Variants in BICDL1 observed in about 807,000 individuals in gnomAD.
The protein encoded by BICDL1 is BICD family-like cargo adapter 1.
BICDL1 carries 20 observed loss-of-function variants against 76.8 expected under a neutral mutation model. That is an observed-to-expected ratio of 0.26 (90% CI 0.18 to 0.38). The LOEUF (loss-of-function observed/expected upper bound fraction) is 0.38. BICDL1 is among the 10% of genes least tolerant of loss of function. The probability of loss-of-function intolerance (pLI) is 1.00; values close to 1 mark genes in which losing one functional copy is unlikely to be tolerated. For missense variants in BICDL1, 700 were observed against 798.6 expected, an observed-to-expected ratio of 0.88 and a Z score of 1.49; for synonymous variants, 383 against 337.1, an observed-to-expected ratio of 1.14 and a Z score of -1.49.
Position 120,089,985 on chromosome 12 carries a change from A to G in BICDL1, c.1618A>G (p.Arg540Gly). Residue 540 changes from arginine (R) to glycine (G), a missense_variant, in exon 9 of 10, where the codon AGG becomes GGG. Transcript: ENST00000548673. The part of the protein sequence containing the change: ...NAVELELAKC[R>G]MDMMSLNSQL... The stretch of plus-strand genomic sequence containing the variant: ...TGTGGAGCTGGAACTTGCCAAGTGC[A>G]GGATGGATATGATGTCTCTGAACAG... The G allele has an allele frequency of 6.2e-7, 1 of 1,614,218 alleles. No individual in the cohort carries two copies. The highest frequency in any genetic ancestry group is 8.5e-7 in the Non-Finnish European group (1 of 1,180,024).
At chr12:120,010,786 ATGACTAGTT>A (rs1951938272) in intron 2 of BICDL1, among the ~76,000 whole-genome samples, 7 of 152,168 alleles carry the variant, frequency 4.6e-5, no homozygotes, top group Admixed American at 4.6e-4. Context: ...TCACTAATCT[ATGACTAGTT>A]AAGGAAGCAG....
At chr12:120,040,661 C>A (rs1274180124) in intron 2 of BICDL1, among the ~76,000 whole-genome samples, 1 of 152,118 alleles carries the variant, frequency 6.6e-6, no homozygotes, top group Non-Finnish European at 1.5e-5. Flanking sequence ...AGCCATCTGT[C>A]AGCCGCAGTC....
chr12:120,023,927 A>T lies in BICDL1; in HGVS notation c.645+25191A>T, dbSNP rs142084932. Reference sequence around the variant, plus strand: ...TAGACTTAGCATAGAAGAACAGGAGAGTTCTTAGAACTGTACTTTGTATGT... The same window carrying T: ...TAGACTTAGCATAGAAGAACAGGAGTGTTCTTAGAACTGTACTTTGTATGT... On this transcript the variant is annotated intron_variant, in intron 2 of 9. Coordinates refer to ENST00000548673, the MANE Select transcript of BICDL1 (RefSeq NM_001367886.1). Among the ~76,000 whole-genome samples, 3 of 152,312 alleles carry T rather than the reference A, an allele frequency of 2.0e-5. No homozygotes were observed. The East Asian group carries it at 5.8e-4, about 29-fold the overall frequency.
At chr12:120,067,691 T>C (rs1035943536) in intron 4 of BICDL1, among the ~76,000 whole-genome samples, 23 of 152,230 alleles carry the variant, frequency 1.5e-4, no homozygotes, top group Non-Finnish European at 3.1e-4. Context: ...GTAATTGAAC[T>C]AATTTTGTCC....
chr12:120,056,905 G>C, intron 2 of BICDL1: 2 of 328,936 alleles, frequency 6.1e-6, no homozygotes, highest in South Asian at 4.8e-5. Flanking sequence ...CCTCCTCCCA[G>C]CCGACCGCCT....
intron 1 of BICDL1, among the ~76,000 whole-genome samples, chr12:119,996,950 ATT>A (rs368753843): frequency 4.9e-5 from 6 of 121,374 alleles, no homozygotes; most frequent in Non-Finnish European, 7.2e-5. Context: ...AAACAAAAAG[ATT>A]TTTTTTTTTT....
At chr12:120,034,568 C>A (rs769737125) in intron 2 of BICDL1, among the ~76,000 whole-genome samples, 1 of 152,196 alleles carries the variant, frequency 6.6e-6, no homozygotes, top group Non-Finnish European at 1.5e-5. Flanking sequence ...ATGCCAGTTT[C>A]TTTCGAGGGA....
Position 119,998,555 on chromosome 12 carries a change from G to T in BICDL1, c.464G>T (p.Arg155Leu), listed in dbSNP as rs1182190720. The change falls in exon 2 of 10, where the codon CGA becomes CTA. Residue 155 changes from arginine to leucine, a missense_variant. Around this residue, in one of 3 missense-constraint regions of BICDL1, gnomAD observed 20 missense variants for 50.3 expected, o/e 0.40. Transcript: ENST00000548673. ...CAAGAGAAACATGAATTGAGAAGAC[G>T]ATTTGAGAACCGAGAAGGGGAGTGG... ...LEQEKHELRR[R>L]FENREGEWEG... 6.2e-7 allele frequency: 1 copy of T among 1,612,568 alleles called. No individual in the cohort carries two copies. Among genetic ancestry groups the T allele is most frequent in the South Asian group, 1.1e-5 (1 of 90,960 alleles).
chr12:120,013,439 AGTGTGTGT>A lies in BICDL1; in HGVS notation c.645+14740_645+14747del, dbSNP rs35499277. ...TTGCAGGGACTATGTCTTTAACCAG[AGTGTGTGT>A]GTGTGTGTGTGTGTGTGTGTGTGTG... On this transcript the variant is annotated intron_variant, in intron 2 of 9. Coordinates refer to ENST00000548673, the MANE Select transcript of BICDL1 (RefSeq NM_001367886.1). Among the ~76,000 whole-genome samples the A allele has an allele frequency of 4.7e-3, 631 of 134,882 alleles. 9 individuals carry two copies. The South Asian group carries it at 0.054, about 12-fold the overall frequency. The allele number at this position is 134,882 out of a possible 152,430, so 88.5% of individuals were successfully genotyped here. A position where few individuals can be genotyped will look rare whatever the true frequency, so the allele number is the denominator to read the frequency against.
intron 4 of BICDL1, among the ~76,000 whole-genome samples, chr12:120,070,734 T>C (rs764339850): frequency 6.7e-5 from 8 of 118,996 alleles, no homozygotes; most frequent in Middle Eastern, 3.8e-3. Context: ...GGTATAACTC[T>C]TTTTTTTTTT....
rs1951465034 is a variant in BICDL1, at chr12:119,989,462, G to GGCAGCAGCAGCGGCAGCA, written c.-396_-395insGGCAGCAGCAGCAGCAGC. Among the ~76,000 whole-genome samples, 2 of 147,072 alleles carry GGCAGCAGCAGCGGCAGCA rather than the reference G, an allele frequency of 1.4e-5. No homozygotes were observed. The highest frequency in any genetic ancestry group is 2.5e-5 in the African/African-American group (1 of 40,552). The stretch of plus-strand genomic sequence containing the variant: ...CGTGAGGCGCTGCCCGGCCGGCGGC[G>GGCAGCAGCAGCGGCAGCA]GCAGCAGCAGCAGCAGCGGCAGCGG... On this transcript the variant is annotated 5_prime_UTR_variant, in exon 1 of 10. Transcript: ENST00000548673.
intron 2 of BICDL1, chr12:120,057,218 T>C (rs1594177745): frequency 4.5e-6 from 2 of 447,602 alleles, no homozygotes; most frequent in African/African-American, 2.0e-5. Flanking sequence ...TTTCACCATA[T>C]TGTCCAGGCT....
intron 1 of BICDL1, 80 bp downstream of exon 1, chr12:119,990,377 C>A: frequency 6.6e-7 from 1 of 1,515,326 alleles, no homozygotes; most frequent in African/African-American, 1.4e-5. Flanking sequence ...TAGGGAACCA[C>A]TCACCCCCAC....
chr12:119,993,252 T>A (rs1951565572), intron 1 of BICDL1: 1 of 152,158 alleles, frequency 6.6e-6, no homozygotes, highest in Non-Finnish European at 1.5e-5. Flanking sequence ...CATGAGCCAC[T>A]GCGCCGGGCC....
chr12:120,052,010 G>A (rs372284959), intron 2 of BICDL1, among the ~76,000 whole-genome samples: 32 of 151,944 alleles, frequency 2.1e-4, no homozygotes, highest in Middle Eastern at 3.4e-3. Context: ...GCATGATCTC[G>A]GCTCACTGCA....
intron 4 of BICDL1, among the ~76,000 whole-genome samples, chr12:120,068,195 C>A (rs994048709): frequency 2.6e-4 from 40 of 152,236 alleles, no homozygotes; most frequent in African/African-American, 9.2e-4. Context: ...GCCAACTCAG[C>A]CACAGGTCTG....
intron 2 of BICDL1, among the ~76,000 whole-genome samples, chr12:120,046,808 G>A (rs75457649): frequency 0.012 from 1,889 of 152,246 alleles, 38 homozygotes; most frequent in East Asian, 0.043. Context: ...AGTACAGTGT[G>A]GTGTATTAGG....
intron 4 of BICDL1, 152 bp downstream of exon 4, chr12:120,065,031 A>G: frequency 1.3e-6 from 1 of 783,792 alleles, no homozygotes; most frequent in Non-Finnish European, 2.0e-6. Context: ...GGCATTCACT[A>G]ACTTGGCTCT....
intron 2 of BICDL1, among the ~76,000 whole-genome samples, chr12:120,041,578 A>G (rs1289084469): frequency 6.6e-6 from 1 of 152,146 alleles, no homozygotes; most frequent in Non-Finnish European, 1.5e-5. Flanking sequence ...TGTCGGGTGT[A>G]ATAAGCGCTA....
Sources: gnomAD v4.1 joint callset for allele counts (sites outside exome capture counted in the v4.1 genomes callset) on GRCh38, gnomAD v4.1.1 for gene constraint, gnomAD v4.1.1 regional missense constraint, MANE v1.5 for transcripts, NCBI Gene and HGNC (gene_info 2026-07-23, HGNC 2026-07-21) for gene names.